Variants in EBF3 observed in about 807,000 individuals in gnomAD.
EBF3 encodes transcription factor COE3.
In EBF3, 18 loss-of-function variants were observed where a neutral mutation model predicts 77.1. The ratio of observed to expected loss-of-function variants is 0.23; its 90% CI spans 0.16 to 0.35. The LOEUF (loss-of-function observed/expected upper bound fraction) is 0.35, where lower values mean the gene tolerates loss of function less well. Among genes scored for constraint, EBF3 ranks in the 10% least tolerant of loss-of-function variants. The pLI is 1.00. For missense variants in EBF3, 558 were observed against 860.0 expected (o/e 0.65, Z 4.39); for synonymous variants, 350 against 343.5 (o/e 1.02, Z -0.21).
intron 6 of EBF3, among the ~76,000 whole-genome samples, chr10:129,901,166 G>A (rs747860540): frequency 6.6e-6 from 1 of 152,164 alleles, no homozygotes; most frequent in Non-Finnish European, 1.5e-5. Flanking sequence ...AGTGGCTGTG[G>A]CCCTCTTAGC....
chr10:129,939,080 A>C (rs1429540609), intron 6 of EBF3, among the ~76,000 whole-genome samples: 2 of 152,236 alleles, frequency 1.3e-5, no homozygotes, highest in African/African-American at 4.8e-5. Context: ...ACATTTCAGA[A>C]GCAAACAATC....
chr10:129,924,427 C>CAAAAAAAAAAGA (rs1301550468), intron 6 of EBF3, among the ~76,000 whole-genome samples: 1 of 110,330 alleles, frequency 9.1e-6, no homozygotes, highest in Non-Finnish European at 1.9e-5. Context: ...ACAACAACAA[C>CAAAAAAAAAAGA]AACAAAAAAA....
At chr10:129,950,643 C>CA (rs377647272) in intron 6 of EBF3, among the ~76,000 whole-genome samples, 300 of 150,866 alleles carry the variant, frequency 2.0e-3, no homozygotes, top group African/African-American at 4.6e-3. Flanking sequence ...AGAACAACAA[C>CA]AAAAAAAAAC....
At position 129,959,453 on chromosome 10, in the gene EBF3, G is replaced by C. The variant is rs574983764; in HGVS notation, c.412-446C>G. Reference sequence around the variant, plus strand: ...CAACGAGTTCCAATCTGCATGTTGGGAGAGGCCGATCAGAACGCCCCGAGG... The same window carrying C: ...CAACGAGTTCCAATCTGCATGTTGGCAGAGGCCGATCAGAACGCCCCGAGG... On this transcript the variant is annotated intron_variant, in intron 4 of 16. Coordinates refer to ENST00000440978, the MANE Select transcript of EBF3 (RefSeq NM_001375380.1). Among the ~76,000 whole-genome samples the C allele has an allele frequency of 2.6e-5, 4 of 152,230 alleles. No individual in the cohort carries two copies. In the South Asian group the frequency reaches 8.3e-4, roughly 32 times the overall value.
chr10:129,904,733 TATCC>T (rs140472832), intron 6 of EBF3, among the ~76,000 whole-genome samples: 8 of 151,734 alleles, frequency 5.3e-5, no homozygotes, highest in Non-Finnish European at 1.2e-4. Flanking sequence ...TAGATCTCTC[TATCC>T]ATCCATCCAT....
chr10:129,921,011 G>A (rs1410544588), intron 6 of EBF3, among the ~76,000 whole-genome samples: 1 of 152,206 alleles, frequency 6.6e-6, no homozygotes, highest in Non-Finnish European at 1.5e-5. Flanking sequence ...GGGAGGGGTA[G>A]CCTGGAAGAA....
intron 10 of EBF3, among the ~76,000 whole-genome samples, chr10:129,857,431 G>A (rs1053114646): frequency 1.3e-5 from 2 of 152,038 alleles, no homozygotes; most frequent in Non-Finnish European, 2.9e-5. Flanking sequence ...GGCACTCCTT[G>A]GCCTGGAACT....
rs34706080 is a variant in EBF3 at position 129,925,085 on chromosome 10, C to CGT, written c.554+32171_554+32172dup. ...GCAAAATGTGGTGTGTGTGTGCACG[C>CGT]GTGTGTGTGTGTGTGTGTGCGTGTG... On this transcript the variant is annotated intron_variant, in intron 6 of 16. Coordinates refer to ENST00000440978, the MANE Select transcript of EBF3 (RefSeq NM_001375380.1). Among the ~76,000 whole-genome samples the CGT allele has an allele frequency of 4.6e-3, 701 of 151,362 alleles. 3 individuals carry two copies. Among genetic ancestry groups the CGT allele is most frequent in the South Asian group, 7.5e-3 (36 of 4,778 alleles).
intron 6 of EBF3, among the ~76,000 whole-genome samples, chr10:129,953,501 G>A (rs1026040311): frequency 1.1e-4 from 17 of 152,058 alleles, no homozygotes; most frequent in African/African-American, 4.1e-4. Context: ...GACAGACTTG[G>A]AATGATAAGT....
chr10:129,934,636 C>T (rs1379803204), intron 6 of EBF3, among the ~76,000 whole-genome samples: 1 of 152,128 alleles, frequency 6.6e-6, no homozygotes, highest in Non-Finnish European at 1.5e-5. Context: ...GTTCACTCCC[C>T]CTCATTTCCC....
intron 6 of EBF3, among the ~76,000 whole-genome samples, chr10:129,886,463 C>T (rs1480190967): frequency 6.6e-6 from 1 of 152,184 alleles, no homozygotes; most frequent in African/African-American, 2.4e-5. Flanking sequence ...GGAACAGCAC[C>T]GAGCCCTCTC....
chr10:129,963,019 T>A lies in EBF3; in HGVS notation c.292-14A>T. 1 of 1,614,132 alleles carries A rather than the reference T, an allele frequency of 6.2e-7. No homozygotes were observed. Among genetic ancestry groups the A allele is most frequent in the South Asian group, 1.1e-5 (1 of 91,076 alleles). ...GTTGTTTGGCTCCTGAAAGTAACGA[T>A]AAATAATTGCATTTAGTGCGATCGG... On this transcript the variant is annotated splice_polypyrimidine_tract_variant and intron_variant, in intron 2 of 16. Coordinates refer to ENST00000440978, the MANE Select transcript of EBF3 (RefSeq NM_001375380.1). The surrounding 1 kb of genome is among the most constrained non-coding windows in gnomAD (Gnocchi z 7.1).
intron 6 of EBF3, among the ~76,000 whole-genome samples, chr10:129,927,495 C>T (rs1308964004): frequency 1.3e-5 from 2 of 152,194 alleles, no homozygotes; most frequent in African/African-American, 2.4e-5. Flanking sequence ...TAAGCCAACA[C>T]GTGGCCCCAC....
At chr10:129,916,258 C>T (rs888016582) in intron 6 of EBF3, among the ~76,000 whole-genome samples, 9 of 152,224 alleles carry the variant, frequency 5.9e-5, no homozygotes, top group Non-Finnish European at 1.3e-4. Context: ...GGCCCAGGTG[C>T]ACCACATGCC....
chr10:129,843,638 T>C (rs892039227), intron 11 of EBF3, among the ~76,000 whole-genome samples: 1 of 152,340 alleles, frequency 6.6e-6, no homozygotes, highest in South Asian at 2.1e-4. Flanking sequence ...ATTTTCCATA[T>C]CTTAATTAAA....
At position 129,963,342 on chromosome 10, in the gene EBF3, G is replaced by C. The variant is rs367554568; in HGVS notation, c.291+25C>G. 1.9e-6 allele frequency: 3 copies of C among 1,570,376 alleles called. No homozygotes were observed. The highest frequency in any genetic ancestry group is 1.7e-6 in the Non-Finnish European group (2 of 1,159,838). On this transcript the variant is annotated intron_variant, in intron 2 of 16. Transcript: ENST00000440978. The surrounding 1 kb of genome is among the most constrained non-coding windows in gnomAD (Gnocchi z 7.1). ...GCCTCCCGCTTCTAGAAAGAGAGAG[G>C]GTGTGATCGTGTGTTTGCACTTACT...
At chr10:129,839,465 G>A (rs960915776) in intron 15 of EBF3, among the ~76,000 whole-genome samples, 11 of 152,224 alleles carry the variant, frequency 7.2e-5, no homozygotes, top group African/African-American at 2.4e-4. Flanking sequence ...TGGGCCAGGC[G>A]CTGGGCAGGC....
At chr10:129,889,946 CTTTTTT>C (rs10665456) in intron 6 of EBF3, among the ~76,000 whole-genome samples, 8 of 82,892 alleles carry the variant, frequency 9.7e-5, no homozygotes, top group South Asian at 5.2e-4. Context: ...ATTGAAGTGC[CTTTTTT>C]TTTTTTTTTT....
chr10:129,905,977 C>T (rs2134266338), intron 6 of EBF3, among the ~76,000 whole-genome samples: 1 of 152,280 alleles, frequency 6.6e-6, no homozygotes. Context: ...CCTGAATGAT[C>T]CTTACTAGAA....
Sources: allele counts gnomAD v4.1 joint callset (sites outside exome capture counted in the v4.1 genomes callset), GRCh38; gene constraint gnomAD v4.1.1; non-coding constraint Gnocchi (gnomAD v3.1); transcripts MANE v1.5; gene names NCBI Gene and HGNC (gene_info 2026-07-23, HGNC 2026-07-21).